The following SNX13 variants were observed in gnomAD, a reference collection of about 807,000 sequenced individuals.
SNX13 encodes sorting nexin 13.
SNX13 carries 45 observed loss-of-function variants against 133.6 expected under a neutral mutation model. The observed-to-expected ratio is 0.34, with a 90% CI of 0.27 to 0.43. SNX13 has a LOEUF of 0.43. Among genes scored for constraint, SNX13 ranks in the 20% least tolerant of loss-of-function variants. The probability of loss-of-function intolerance (pLI) is 1.00; values close to 1 mark genes in which losing one functional copy is unlikely to be tolerated. For synonymous variants in SNX13, 414 were observed against 373.9 expected, an observed-to-expected ratio of 1.11 and a Z score of -1.24; for missense variants, 1,032 against 1,145.1, an observed-to-expected ratio of 0.90 and a Z score of 1.43.
intron 1 of SNX13, among the ~76,000 whole-genome samples, chr7:17,902,586 G>C (rs1388940559): frequency 6.6e-6 from 1 of 152,100 alleles, no homozygotes; most frequent in Non-Finnish European, 1.5e-5. Context: ...TTCCTAAAAT[G>C]ATACAGGATA....
intron 1 of SNX13, chr7:17,900,332 T>C (rs142570170): frequency 5.2e-5 from 8 of 152,512 alleles, no homozygotes; most frequent in East Asian, 1.9e-4. Context: ...CTATGTTCAC[T>C]TGAAGCCCTA....
chr7:17,799,058 T>A lies in SNX13; in HGVS notation c.2395A>T (p.Asn799Tyr). The A allele has an allele frequency of 6.2e-7, 1 of 1,611,158 alleles. No individual in the cohort carries two copies. Among genetic ancestry groups the A allele is most frequent in the East Asian group, 2.2e-5 (1 of 44,770 alleles). ...RNQWLRRNIK[N>Y]LLQQLIRATY... ...GCTCTAATAAGCTGTTGAAGTAGGTTTTTGATATTCCTTCGCAACCACTGA... is the reference window on the plus strand; with the variant it reads ...GCTCTAATAAGCTGTTGAAGTAGGTATTTGATATTCCTTCGCAACCACTGA... The change falls in exon 23 of 26, where the codon AAC (asparagine) becomes TAC (tyrosine). Residue 799 changes from asparagine (N) to tyrosine (Y), a missense_variant. Coordinates refer to ENST00000428135, the MANE Select transcript of SNX13 (RefSeq NM_015132.5).
At chr7:17,907,441 T>C (rs904061607) in intron 1 of SNX13, 5 of 152,210 alleles carry the variant, frequency 3.3e-5, no homozygotes, top group Admixed American at 6.5e-5. Flanking sequence ...GATCAGAAAC[T>C]GACAATGTTT....
At chr7:17,867,197 A>C (rs1793498064) in intron 9 of SNX13, among the ~76,000 whole-genome samples, 1 of 152,170 alleles carries the variant, frequency 6.6e-6, no homozygotes, top group African/African-American at 2.4e-5. Context: ...ACAGAGGAAA[A>C]GAAGAATCAA....
chr7:17,889,090 G>A (rs1425726736), intron 5 of SNX13: 1 of 163,794 alleles, frequency 6.1e-6, no homozygotes, highest in Non-Finnish European at 1.3e-5. Flanking sequence ...AAAATATTTA[G>A]AAGAGTTATC....
chr7:17,811,811 G>A (rs1257561261), intron 20 of SNX13, among the ~76,000 whole-genome samples: 1 of 151,958 alleles, frequency 6.6e-6, no homozygotes, highest in African/African-American at 2.4e-5. Flanking sequence ...ATAGACCAAT[G>A]GAACAGAACG....
intron 1 of SNX13, among the ~76,000 whole-genome samples, chr7:17,917,873 T>C (rs1202168093): frequency 3.3e-5 from 5 of 152,002 alleles, no homozygotes; most frequent in African/African-American, 4.8e-5. Flanking sequence ...GGTATCACAT[T>C]ACCTGACTTA....
chr7:17,918,646 T>C (rs1031804960), intron 1 of SNX13, among the ~76,000 whole-genome samples: 38 of 152,218 alleles, frequency 2.5e-4, no homozygotes, highest in African/African-American at 8.4e-4. Flanking sequence ...GAAATGTTAA[T>C]ACACTGTTGG....
rs74418424 is a variant in SNX13 at position 17,805,244 on chromosome 7, T to C, written c.2065-1664A>G. Among the ~76,000 whole-genome samples the C allele has an allele frequency of 8.5e-3, 910 of 107,232 alleles. 7 individuals carry two copies. The highest frequency in any genetic ancestry group is 0.013 in the Non-Finnish European group (618 of 47,416). 70.3% of individuals were successfully genotyped at this position (107,232 alleles called of 152,430 possible). On this transcript the variant is annotated intron_variant, in intron 20 of 25. Coordinates refer to ENST00000428135, the MANE Select transcript of SNX13 (RefSeq NM_015132.5). ...GTGTGTGTGTGTGTGTGTGTGTGTG[T>C]GTGTGTGCGTGCGCGCGCGCGCATG...
chr7:17,868,238 C>G (rs1196210440), intron 9 of SNX13, 169 bp downstream of exon 9: 3 of 572,624 alleles, frequency 5.2e-6, no homozygotes, highest in African/African-American at 3.9e-5. Flanking sequence ...TTGGCCAACA[C>G]ATTCAAAATA....
intron 3 of SNX13, 71 bp downstream of exon 3, chr7:17,893,261 T>A (rs1351716506): frequency 9.6e-7 from 1 of 1,039,228 alleles, no homozygotes; most frequent in Non-Finnish European, 1.4e-6. Context: ...ACGCTATATA[T>A]ACAGATGATT....
At chr7:17,894,762 A>G (rs1039407656) in intron 2 of SNX13, among the ~76,000 whole-genome samples, 3 of 152,184 alleles carry the variant, frequency 2.0e-5, no homozygotes, top group African/African-American at 7.2e-5. Flanking sequence ...AAAGACTGTA[A>G]TGACAGGAAG....
intron 20 of SNX13, among the ~76,000 whole-genome samples, chr7:17,811,422 T>A (rs554183501): frequency 6.6e-6 from 1 of 152,176 alleles, no homozygotes; most frequent in African/African-American, 2.4e-5. Context: ...ATAAAATACC[T>A]AGGAATACAA....
intron 13 of SNX13, among the ~76,000 whole-genome samples, chr7:17,838,253 T>C (rs1789388294): frequency 6.6e-6 from 1 of 151,990 alleles, no homozygotes; most frequent in Admixed American, 6.6e-5. Flanking sequence ...CTTTAAGTTG[T>C]TTAATTTGTT....
At position 17,846,968 on chromosome 7, in the gene SNX13, G is replaced by C. The variant is rs549167304; in HGVS notation, c.1066-1274C>G. ...GAGTTTACTTACAAAGGAAAACACT[G>C]TATGATCTGAGCTCATTAAAAAATA... On this transcript the variant is annotated intron_variant, in intron 11 of 25. Transcript: ENST00000428135. 4.6e-5 allele frequency among the ~76,000 whole-genome samples: 7 copies of C among 152,122 alleles called. No homozygotes were observed. The South Asian group carries it at 1.5e-3, about 32-fold the overall frequency.
chr7:17,924,075 C>T (rs1307166599), intron 1 of SNX13, among the ~76,000 whole-genome samples: 3 of 152,076 alleles, frequency 2.0e-5, no homozygotes, highest in African/African-American at 7.2e-5. Flanking sequence ...CTTTTTAATG[C>T]ATTACAGAAT....
chr7:17,800,892 AC>A (rs1240040757), intron 22 of SNX13, among the ~76,000 whole-genome samples: 1 of 151,364 alleles, frequency 6.6e-6, no homozygotes, highest in Admixed American at 6.6e-5. Flanking sequence ...AATTAAAAAA[AC>A]AAAATACTGA....
In SNX13 at chr7:17,793,390, G is replaced by A. The variant is rs1783732661; in HGVS notation, c.*655C>T. On this transcript the variant is annotated 3_prime_UTR_variant, in exon 26 of 26. Coordinates refer to ENST00000428135, the MANE Select transcript of SNX13 (RefSeq NM_015132.5). ...AGCACACATAAGAATAAAAATTGTT[G>A]TATACCAATGAATAACAAATCCAAT... is the stretch of plus-strand genomic sequence containing the variant. 6.6e-6 allele frequency: 1 copy of A among 151,834 alleles called. No individual in the cohort carries two copies. The highest frequency in any genetic ancestry group is 2.4e-5 in the African/African-American group (1 of 41,390). 9.4% of individuals were successfully genotyped at this position (151,834 alleles called of 1,614,324 possible).
intron 1 of SNX13, chr7:17,899,196 C>T (rs1797546270): frequency 6.6e-6 from 1 of 152,158 alleles, no homozygotes; most frequent in African/African-American, 2.4e-5. Context: ...TACTGGAGCA[C>T]CATTCCATGT....
Sources: allele counts gnomAD v4.1 joint callset (sites outside exome capture counted in the v4.1 genomes callset), GRCh38; gene constraint gnomAD v4.1.1; transcripts MANE v1.5; gene names NCBI Gene and HGNC (gene_info 2026-07-23, HGNC 2026-07-21).